Variants in PLD3 observed in about 807,000 individuals in gnomAD.
PLD3 encodes the protein phospholipase D family member 3.
A neutral mutation model predicts 58.4 loss-of-function variants in PLD3; 31 were observed. The ratio of observed to expected loss-of-function variants is 0.53; its 90% CI spans 0.40 to 0.72. The LOEUF (loss-of-function observed/expected upper bound fraction) is 0.72, where lower values mean the gene tolerates loss of function less well. PLD3 is among the 30% of genes least tolerant of loss of function. The probability of loss-of-function intolerance (pLI) is 0.00; values close to 1 mark genes in which losing one functional copy is unlikely to be tolerated. For synonymous variants in PLD3, 264 were observed against 273.4 expected (o/e 0.97, Z 0.34); for missense variants, 595 against 659.8 (o/e 0.90, Z 1.08).
chr19:40,356,097 G>T (rs1005724565), intron 1 of PLD3: 1 of 152,580 alleles, frequency 6.6e-6, no homozygotes, highest in Non-Finnish European at 1.5e-5. Context: ...GGTGGTATGT[G>T]AGCGGACAGA....
At position 40,367,688 on chromosome 19, in the gene PLD3, C is replaced by T. The variant is rs778710334; in HGVS notation, c.246-8C>T. The T allele has an allele frequency of 6.3e-7, 1 of 1,593,704 alleles. No homozygotes were observed. The highest frequency in any genetic ancestry group is 1.7e-5 in the Admixed American group (1 of 58,922). On this transcript the variant is annotated splice_polypyrimidine_tract_variant and splice_region_variant and intron_variant, in intron 5 of 12. Coordinates refer to ENST00000409735, the MANE Select transcript of PLD3 (RefSeq NM_012268.4). ...ACCGTATGGCTGATAGCATCCCCCACCCCCCAGAGCAGTGCTGGTGGAAAG... is the reference window on the plus strand; with the variant it reads ...ACCGTATGGCTGATAGCATCCCCCATCCCCCAGAGCAGTGCTGGTGGAAAG...
At chr19:40,373,593 G>C (rs1227134218) in intron 9 of PLD3, among the ~76,000 whole-genome samples, 3 of 151,020 alleles carry the variant, frequency 2.0e-5, no homozygotes, top group Non-Finnish European at 4.4e-5. Context: ...AAAAAAAGGG[G>C]GGGAAGCGGG....
intron 1 of PLD3, among the ~76,000 whole-genome samples, chr19:40,354,592 C>G (rs2078605430): frequency 6.6e-6 from 1 of 152,052 alleles, no homozygotes; most frequent in African/African-American, 2.4e-5. Flanking sequence ...GTGGTGCAAG[C>G]TCAGTTCACT....
chr19:40,351,988 G>A (rs185008086), intron 1 of PLD3, among the ~76,000 whole-genome samples: 2 of 151,988 alleles, frequency 1.3e-5, no homozygotes, highest in African/African-American at 4.8e-5. Flanking sequence ...GTCAAAGATC[G>A]AGACCGGGCG....
chr19:40,366,636 C>G lies in PLD3; in HGVS notation c.54C>G (p.Ala18=). The G allele has an allele frequency of 6.3e-7, 1 of 1,584,232 alleles. No individual in the cohort carries two copies. Among genetic ancestry groups the G allele is most frequent in the Non-Finnish European group, 8.6e-7 (1 of 1,163,400 alleles). The change falls in exon 4 of 13, where the codon GCC becomes GCG. Residue 18 remains alanine (A), a synonymous_variant. Coordinates refer to ENST00000409735, the MANE Select transcript of PLD3 (RefSeq NM_012268.4). ...QELKVPAEEP[A]NELPMNEIEA... ...TGAAGGTGCCTGCAGAGGAGCCCGC[C>G]AATGAGCTGCCCATGAATGAGATTG...
At chr19:40,351,783 T>C (rs2078521948) in intron 1 of PLD3, among the ~76,000 whole-genome samples, 1 of 152,086 alleles carries the variant, frequency 6.6e-6, no homozygotes, top group Non-Finnish European at 1.5e-5. Context: ...GTGAGGTGGG[T>C]GCCACAGGAG....
At chr19:40,355,343 G>T (rs1276231850) in intron 1 of PLD3, among the ~76,000 whole-genome samples, 2 of 146,348 alleles carry the variant, frequency 1.4e-5, no homozygotes, top group African/African-American at 2.5e-5. Flanking sequence ...ACAGAGTTTC[G>T]CTCTTGTTGC....
intron 10 of PLD3, among the ~76,000 whole-genome samples, chr19:40,375,881 GTC>G (rs530620031): frequency 4.7e-4 from 71 of 151,420 alleles, no homozygotes; most frequent in African/African-American, 1.7e-3. Context: ...ATGAGACCCC[GTC>G]TCTATAGAAA....
At position 40,370,195 on chromosome 19, in the gene PLD3, C is replaced by G. The variant is rs776749481; in HGVS notation, c.636C>G (p.Phe212Leu). The G allele has an allele frequency of 6.2e-7, 1 of 1,614,094 alleles. No individual in the cohort carries two copies. Among genetic ancestry groups the G allele is most frequent in the Non-Finnish European group, 8.5e-7 (1 of 1,180,006 alleles). The change falls in exon 8 of 13, where the codon TTC becomes TTG. Residue 212 changes from phenylalanine to leucine, a missense_variant. Coordinates refer to ENST00000409735, the MANE Select transcript of PLD3 (RefSeq NM_012268.4). ...TCTGGGTGGTGGACCAGACCCACTT[C>G]TACCTGGGCAGTGCCAACATGGACT... ...TKFWVVDQTH[F>L]YLGSANMDWR...
Position 40,376,054 on chromosome 19 carries a change from A to G in PLD3, c.1020-555A>G, listed in dbSNP as rs549355171. On this transcript the variant is annotated intron_variant, in intron 10 of 12. Coordinates refer to ENST00000409735, the MANE Select transcript of PLD3 (RefSeq NM_012268.4). ...GGTGATAGAGCAAGAACCTGTCTCA[A>G]AAAGAAAAAAAAGAGGATGGACCGG... 2.0e-5 allele frequency among the ~76,000 whole-genome samples: 3 copies of G among 151,280 alleles called. No individual in the cohort carries two copies. The South Asian group carries it at 6.3e-4, about 32-fold the overall frequency.
chr19:40,353,108 A>T (rs2078558963), intron 1 of PLD3, among the ~76,000 whole-genome samples: 1 of 152,142 alleles, frequency 6.6e-6, no homozygotes, highest in Admixed American at 6.6e-5. Flanking sequence ...TTCATGAATT[A>T]GTTCAACCAT....
intron 9 of PLD3, 35 bp downstream of exon 9, chr19:40,371,908 A>C (rs772256343): frequency 6.5e-7 from 1 of 1,542,906 alleles, no homozygotes; most frequent in Non-Finnish European, 9.0e-7. Context: ...GTCATGTCCC[A>C]GCCCCATGCC....
At chr19:40,358,196 C>G (rs1238494306) in intron 1 of PLD3, 1 of 152,670 alleles carries the variant, frequency 6.6e-6, no homozygotes, top group Non-Finnish European at 1.5e-5. Flanking sequence ...AAGCAGTGGT[C>G]CCACCTCAGC....
chr19:40,369,022 G>A (rs982429041), intron 6 of PLD3, among the ~76,000 whole-genome samples: 1 of 152,166 alleles, frequency 6.6e-6, no homozygotes, highest in East Asian at 1.9e-4. Context: ...CTACTTGGGA[G>A]GCTGAAGCAG....
intron 5 of PLD3, chr19:40,367,255 T>A (rs1017120778): frequency 1.1e-5 from 3 of 281,554 alleles, no homozygotes; most frequent in African/African-American, 4.4e-5. Context: ...CACACAGTTT[T>A]AAAAAATTTT....
At chr19:40,354,836 T>C (rs2145662690) in intron 1 of PLD3, among the ~76,000 whole-genome samples, 1 of 151,124 alleles carries the variant, frequency 6.6e-6, no homozygotes, top group South Asian at 2.1e-4. Context: ...GTGTTATTTT[T>C]GTTTTTGTGT....
intron 1 of PLD3, among the ~76,000 whole-genome samples, chr19:40,363,684 G>A (rs1321613926): frequency 1.3e-5 from 2 of 152,088 alleles, no homozygotes; most frequent in African/African-American, 2.4e-5. Context: ...ACCCACCTCG[G>A]CCTCCCAAAG....
chr19:40,378,323 C>T lies in PLD3; in HGVS notation c.*150C>T. The T allele has an allele frequency of 1.3e-6, 1 of 771,680 alleles. No homozygotes were observed. The highest frequency in any genetic ancestry group is 2.3e-6 in the Non-Finnish European group (1 of 444,102). 47.8% of individuals were successfully genotyped at this position (771,680 alleles called of 1,614,324 possible). A position where few individuals can be genotyped will look rare whatever the true frequency, so the allele number is the denominator to read the frequency against. ...CCTGCTCTCCCACCTCTACCTCCAC[C>T]CCCACCGGCCTGACGCTGTGGCCCC... On this transcript the variant is annotated 3_prime_UTR_variant, in exon 13 of 13. Transcript: ENST00000409735.
chr19:40,353,761 G>A (rs1461609941), intron 1 of PLD3, among the ~76,000 whole-genome samples: 1 of 151,684 alleles, frequency 6.6e-6, no homozygotes, highest in Admixed American at 6.6e-5. Context: ...TGTATTTTTA[G>A]TAGAGATGGG....
Sources: gnomAD v4.1 joint callset for allele counts (sites outside exome capture counted in the v4.1 genomes callset) on GRCh38, gnomAD v4.1.1 for gene constraint, MANE v1.5 for transcripts, NCBI Gene and HGNC (gene_info 2026-07-23, HGNC 2026-07-21) for gene names.